The following VWF variants were observed in gnomAD, a reference collection of about 807,000 sequenced individuals.
The protein encoded by VWF is Factor VIII related antigen.
In VWF, 176 loss-of-function variants were observed where a neutral mutation model predicts 308.6. The observed-to-expected ratio is 0.57, with a 90% CI of 0.50 to 0.65. The LOEUF (loss-of-function observed/expected upper bound fraction) is 0.65, where lower values mean the gene tolerates loss of function less well. Ranked by LOEUF, VWF falls within the 30% of genes least tolerant of loss-of-function variation. The pLI is 0.00. For missense variants in VWF, 3,146 were observed against 3,648.2 expected (o/e 0.86, Z 3.55); for synonymous variants, 1,385 against 1,443.4 (o/e 0.96, Z 0.92).
At position 6,018,978 on chromosome 12, in the gene VWF, C is replaced by T. The variant is rs771126175; in HGVS notation, c.4440G>A (p.Pro1480=). 8 of 1,613,888 alleles carry T rather than the reference C, an allele frequency of 5.0e-6. No homozygotes were observed. Among genetic ancestry groups the T allele is most frequent in the South Asian group, 2.2e-5 (2 of 91,062 alleles). ...CCAGGGTCGAAACCCCCAAGAGCCCCGGGCCCACAGTGACTTGTGCCATGT... is the reference window on the plus strand; with the variant it reads ...CCAGGGTCGAAACCCCCAAGAGCCCTGGGCCCACAGTGACTTGTGCCATGT... ...PPDMAQVTVG[P]GLLGVSTLGP... The change falls in exon 28 of 52, where the codon CCG becomes CCA. Residue 1480 remains proline (P), a synonymous_variant. Coordinates refer to ENST00000261405, the MANE Select transcript of VWF (RefSeq NM_000552.5).
chr12:5,993,871 C>T lies in VWF; in HGVS notation c.6589G>A (p.Asp2197Asn), dbSNP rs1313762681. 1.2e-6 allele frequency: 2 copies of T among 1,613,008 alleles called. No individual in the cohort carries two copies. The highest frequency in any genetic ancestry group is 1.3e-5 in the African/African-American group (1 of 74,882). The stretch of plus-strand genomic sequence containing the variant: ...TAACTTGGAGACTCACCACAGAAAT[C>T]AGGTGTCCTCCAGTCAACGCAGACC... ...NGVCVDWRTP[D>N]FCAMSCPPSL... Residue 2197 changes from aspartate to asparagine, a missense_variant, in exon 37 of 52, where the codon GAT (aspartate) becomes AAT (asparagine). Transcript: ENST00000261405.
intron 3 of VWF, among the ~76,000 whole-genome samples, chr12:6,118,470 C>T (rs2136532244): frequency 6.7e-6 from 1 of 148,978 alleles, no homozygotes; most frequent in East Asian, 2.0e-4. Context: ...TCACAGCAAC[C>T]TCCACCTCCC....
In VWF at chr12:6,013,488, C is replaced by T. The variant is rs1944020857; in HGVS notation, c.5613G>A (p.Leu1871=). Residue 1871 remains leucine (L), a synonymous_variant, in exon 32 of 52, where the codon CTG becomes CTA. Coordinates refer to ENST00000261405, the MANE Select transcript of VWF (RefSeq NM_000552.5). ...VTLGNSFLHK[L]CSGFVRICMD... ...AGGTATTATAAGACTCACCAGAGCA[C>T]AGTTTGTGGAGGAAGGAATTGCCCA... The T allele has an allele frequency of 1.2e-6, 2 of 1,613,992 alleles. No individual in the cohort carries two copies. Among genetic ancestry groups the T allele is most frequent in the East Asian group, 2.2e-5 (1 of 44,890 alleles).
intron 22 of VWF, among the ~76,000 whole-genome samples, chr12:6,026,402 G>A (rs186232638): frequency 5.3e-5 from 8 of 152,296 alleles, no homozygotes; most frequent in African/African-American, 1.7e-4. Flanking sequence ...GCAGAGAGAG[G>A]AGCCAGGTAC....
At chr12:6,035,021 G>A (rs900683556) in intron 19 of VWF, among the ~76,000 whole-genome samples, 195 bp from the exon 20 acceptor site, 6 of 152,204 alleles carry the variant, frequency 3.9e-5, no homozygotes, top group Non-Finnish European at 7.3e-5. Context: ...AGGAGACAGG[G>A]AAGCCTAGTG....
At position 6,055,761 on chromosome 12, in the gene VWF, T is replaced by TACACACACACACACACACACACACAC. The variant is rs35414262; in HGVS notation, c.1945+1070_1945+1095dup. Among the ~76,000 whole-genome samples, 10 of 135,348 alleles carry TACACACACACACACACACACACACAC rather than the reference T, an allele frequency of 7.4e-5. No individual in the cohort carries two copies. In the East Asian group the frequency reaches 1.1e-3, roughly 15 times the overall value. 88.8% of individuals were successfully genotyped at this position (135,348 alleles called of 152,430 possible). A position where few individuals can be genotyped will look rare whatever the true frequency, so the allele number is the denominator to read the frequency against. On this transcript the variant is annotated intron_variant, in intron 15 of 51. Coordinates refer to ENST00000261405, the MANE Select transcript of VWF (RefSeq NM_000552.5). ...TCTACTTTATATATATATATATGTA[T>TACACACACACACACACACACACACAC]ACACACACACACACACACACACACA...
chr12:5,983,974 G>GATA (rs1943643915), intron 40 of VWF, among the ~76,000 whole-genome samples: 2 of 132,930 alleles, frequency 1.5e-5, no homozygotes, highest in African/African-American at 2.7e-5. Flanking sequence ...ATGGATAGAT[G>GATA]GATAGATAGA....
chr12:6,074,581 G>A lies in VWF; in HGVS notation c.874+754C>T, dbSNP rs549013585. 2.6e-5 allele frequency among the ~76,000 whole-genome samples: 4 copies of A among 151,258 alleles called. No homozygotes were observed. The South Asian group carries it at 8.4e-4, about 32-fold the overall frequency. ...CTTCCTCACACCCCCACCACAGGCAGAAAGTTTGAATTCAGCAGCTATTTG... is the reference window on the plus strand; with the variant it reads ...CTTCCTCACACCCCCACCACAGGCAAAAAGTTTGAATTCAGCAGCTATTTG... On this transcript the variant is annotated intron_variant, in intron 7 of 51. Coordinates refer to ENST00000261405, the MANE Select transcript of VWF (RefSeq NM_000552.5).
At chr12:6,040,476 TCACTAAG>T (rs1250656628) in intron 18 of VWF, among the ~76,000 whole-genome samples, 3 of 152,082 alleles carry the variant, frequency 2.0e-5, no homozygotes, top group Non-Finnish European at 4.4e-5. Flanking sequence ...AAACCACCAC[TCACTAAG>T]CACCTCCCAT....
At position 6,121,154 on chromosome 12, in the gene VWF, C is replaced by A. The variant is rs112514312; in HGVS notation, c.220+20G>T. On this transcript the variant is annotated intron_variant, in intron 3 of 51. Transcript: ENST00000261405. ...GCCAGCCCTCCCTCTGAAGTCCTCC[C>A]TGCAGTGCCCAGAACTCACCAATAA... 25 of 1,613,954 alleles carry A rather than the reference C, an allele frequency of 1.5e-5. No homozygotes were observed. The African/African-American group carries it at 2.7e-4, about 17-fold the overall frequency.
rs766877030 is a variant in VWF, at chr12:6,013,627, A to G, written c.5474T>C (p.Ile1825Thr). Residue 1825 changes from isoleucine (I) to threonine (T), a missense_variant, in exon 32 of 52, where the codon ATT (isoleucine) becomes ACT (threonine). Coordinates refer to ENST00000261405, the MANE Select transcript of VWF (RefSeq NM_000552.5). ...ARSNRVTVFP[I>T]GIGDRYDAAQ... The stretch of plus-strand genomic sequence containing the variant: ...TGCATCGTAGCGATCTCCAATTCCA[A>G]TAGGGAACACTGTCACTCCTAGAGT... The G allele has an allele frequency of 1.1e-5, 17 of 1,613,172 alleles. No homozygotes were observed. Among genetic ancestry groups the G allele is most frequent in the East Asian group, 2.2e-5 (1 of 44,884 alleles).
In VWF at chr12:6,058,959, C is replaced by A. The variant is rs73264988; in HGVS notation, c.1534-915G>T. Among the ~76,000 whole-genome samples, 3,316 of 152,216 alleles carry A rather than the reference C, an allele frequency of 0.022. 123 individuals are homozygous for A. Among genetic ancestry groups the A allele is most frequent in the African/African-American group, 0.074 (3,087 of 41,506 alleles). ...GACCCAGGAGTCCTGACTCCCTCTC[C>A]GCATGTCATTACCAAGGTGGGATGA... On this transcript the variant is annotated intron_variant, in intron 13 of 51. Coordinates refer to ENST00000261405, the MANE Select transcript of VWF (RefSeq NM_000552.5). This position sits in a 1 kb window ranked among gnomAD's most constrained non-coding sequence, Gnocchi z 4.9.
intron 34 of VWF, among the ~76,000 whole-genome samples, chr12:6,001,606 TAGG>T (rs1943874204): frequency 6.6e-6 from 1 of 152,110 alleles, no homozygotes; most frequent in Non-Finnish European, 1.5e-5. Flanking sequence ...GCAAAAACTA[TAGG>T]AGAAGCAAGG....
At chr12:6,043,535 G>T (rs145495550) in intron 18 of VWF, among the ~76,000 whole-genome samples, 151 of 136,630 alleles carry the variant, frequency 1.1e-3, no homozygotes, top group African/African-American at 3.8e-3. Flanking sequence ...GAAACATCTG[G>T]AAGTTGCATC....
chr12:5,976,812 G>A (rs1943539370), intron 42 of VWF, among the ~76,000 whole-genome samples: 1 of 152,174 alleles, frequency 6.6e-6, no homozygotes, highest in Admixed American at 6.5e-5. Context: ...AATAGGCTCT[G>A]GTAGAGATGT....
chr12:5,975,666 A>T (rs1425919643), intron 43 of VWF, among the ~76,000 whole-genome samples: 1 of 152,216 alleles, frequency 6.6e-6, no homozygotes, highest in Non-Finnish European at 1.5e-5. Context: ...AAGGTGATAC[A>T]TGAGGGTGGA....
At chr12:6,023,820 T>A (rs370287532) in intron 24 of VWF, 33 bp from the exon 25 acceptor site, 3 of 1,608,246 alleles carry the variant, frequency 1.9e-6, no homozygotes, top group Non-Finnish European at 2.5e-6. Flanking sequence ...CCCAGGCCTA[T>A]GGCCAGGTGT....
Position 5,953,610 on chromosome 12 carries a change from GA to G in VWF, c.7888-17del, listed in dbSNP as rs761711974. 2.5e-6 allele frequency: 4 copies of G among 1,608,470 alleles called. No individual in the cohort carries two copies. Among genetic ancestry groups the G allele is most frequent in the African/African-American group, 1.3e-5 (1 of 74,930 alleles). On this transcript the variant is annotated splice_polypyrimidine_tract_variant and intron_variant, in intron 47 of 51. Coordinates refer to ENST00000261405, the MANE Select transcript of VWF (RefSeq NM_000552.5). ...CCTTGTAACCCTGCATCCAGAGGGG[GA>G]AAAAGCAGCCATAGTTAACCTCCTT...
chr12:6,055,937 C>A (rs1944574002), intron 15 of VWF, among the ~76,000 whole-genome samples: 1 of 151,824 alleles, frequency 6.6e-6, no homozygotes. Context: ...AATTTCTAAA[C>A]ACATCTACTT....
Sources: allele counts gnomAD v4.1 joint callset (sites outside exome capture counted in the v4.1 genomes callset), GRCh38; gene constraint gnomAD v4.1.1; non-coding constraint Gnocchi (gnomAD v3.1); transcripts MANE v1.5; gene names NCBI Gene and HGNC (gene_info 2026-07-23, HGNC 2026-07-21).